Variants in UNC80 observed in about 807,000 individuals in gnomAD.
UNC80 encodes unc-80 subunit of NALCN channel complex, also known as protein unc-80 homolog.
In UNC80, 164 loss-of-function variants were observed where a neutral mutation model predicts 384.6. The observed-to-expected ratio is 0.43, with a 90% CI of 0.38 to 0.49. UNC80 has a LOEUF of 0.49. Ranked by LOEUF, UNC80 falls within the 20% of genes least tolerant of loss-of-function variation. The pLI is 0.00. For missense variants in UNC80, 3,330 were observed against 4,143.0 expected, an observed-to-expected ratio of 0.80 and a Z score of 5.39; for synonymous variants, 1,486 against 1,527.8, an observed-to-expected ratio of 0.97 and a Z score of 0.64.
At chr2:209,841,340 G>C (rs935724026) in intron 20 of UNC80, among the ~76,000 whole-genome samples, 3 of 151,874 alleles carry the variant, frequency 2.0e-5, no homozygotes, top group Non-Finnish European at 4.4e-5. Context: ...GTGGGTTTTT[G>C]TTGTTGTTGT....
At position 209,887,302 on chromosome 2, in the gene UNC80, G is replaced by A. The variant is rs1289782401; in HGVS notation, c.4111-793G>A. On this transcript the variant is annotated intron_variant, in intron 25 of 64. Coordinates refer to ENST00000673920, the MANE Select transcript of UNC80 (RefSeq NM_001371986.1). Reference sequence around the variant, plus strand: ...GTTCTGCCCGCCTCAGCCTCCCAAAGTGCTGGGATTACAGGTGTGAGCCAC... The same window carrying A: ...GTTCTGCCCGCCTCAGCCTCCCAAAATGCTGGGATTACAGGTGTGAGCCAC... Among the ~76,000 whole-genome samples, 4 of 152,208 alleles carry A rather than the reference G, an allele frequency of 2.6e-5. No homozygotes were observed. In the East Asian group the frequency reaches 7.7e-4, roughly 29 times the overall value.
At chr2:209,879,889 A>G (rs2085130016) in intron 24 of UNC80, among the ~76,000 whole-genome samples, 1 of 152,200 alleles carries the variant, frequency 6.6e-6, no homozygotes, top group Non-Finnish European at 1.5e-5. Flanking sequence ...TAGCTTAAAT[A>G]TCTACAGAAA....
At chr2:209,991,920 T>G (rs976923027) in intron 61 of UNC80, among the ~76,000 whole-genome samples, 1 of 152,200 alleles carries the variant, frequency 6.6e-6, no homozygotes, top group Admixed American at 6.5e-5. Flanking sequence ...CAATGTTTTC[T>G]GAATGATAGA....
Position 209,773,044 on chromosome 2 carries a change from A to T in UNC80, c.93-50A>T, listed in dbSNP as rs1559066658. 2.8e-6 allele frequency: 4 copies of T among 1,420,244 alleles called. No homozygotes were observed. The South Asian group carries it at 4.8e-5, about 17-fold the overall frequency. 88.0% of individuals were successfully genotyped at this position (1,420,244 alleles called of 1,614,324 possible). ...AAAAATACGTCACAAGGATGCTTTA[A>T]TAATAATTTTACTTATGTTTATTAA... On this transcript the variant is annotated intron_variant, in intron 1 of 64. Coordinates refer to ENST00000673920, the MANE Select transcript of UNC80 (RefSeq NM_001371986.1).
chr2:209,864,113 G>A (rs1341282217), intron 22 of UNC80, among the ~76,000 whole-genome samples: 1 of 151,734 alleles, frequency 6.6e-6, no homozygotes, highest in Admixed American at 6.6e-5. Flanking sequence ...CCTCTGTAGA[G>A]CTGCTGCAGT....
At chr2:209,897,566 A>G (rs993033591) in intron 28 of UNC80, among the ~76,000 whole-genome samples, 2 of 152,172 alleles carry the variant, frequency 1.3e-5, no homozygotes, top group Non-Finnish European at 2.9e-5. Context: ...TGACGATTTT[A>G]ATTAATTTAA....
At chr2:209,941,122 A>T (rs1200933359) in intron 43 of UNC80, 99 bp from the exon 44 acceptor site, 2 of 1,383,104 alleles carry the variant, frequency 1.4e-6, no homozygotes, top group African/African-American at 2.9e-5. Context: ...CTGGAGCTGG[A>T]ACAAACGGAG....
At chr2:209,805,760 A>G (rs1248561345) in intron 7 of UNC80, among the ~76,000 whole-genome samples, 3 of 152,264 alleles carry the variant, frequency 2.0e-5, no homozygotes, top group Non-Finnish European at 4.4e-5. Context: ...CTAATCTTTT[A>G]TAACCTAATC....
At chr2:209,789,804 G>A (rs2077679992) in intron 6 of UNC80, among the ~76,000 whole-genome samples, 199 bp downstream of exon 6, 1 of 151,648 alleles carries the variant, frequency 6.6e-6, no homozygotes, top group African/African-American at 2.4e-5. Flanking sequence ...AAAGCGTGCA[G>A]GTGTGGAAAT....
At chr2:209,847,886 A>G (rs1352682464) in intron 21 of UNC80, among the ~76,000 whole-genome samples, 1 of 152,038 alleles carries the variant, frequency 6.6e-6, no homozygotes, top group Non-Finnish European at 1.5e-5. Flanking sequence ...TCTTAATTAT[A>G]GCAACAAATA....
intron 21 of UNC80, 106 bp from the exon 22 acceptor site, chr2:209,849,345 C>A: frequency 7.7e-7 from 1 of 1,298,862 alleles, no homozygotes; most frequent in Non-Finnish European, 1.1e-6. Flanking sequence ...AGTTTTCTGG[C>A]CAACACTGTA....
At chr2:209,876,150 C>T (rs963543080) in intron 23 of UNC80, among the ~76,000 whole-genome samples, 3 of 152,232 alleles carry the variant, frequency 2.0e-5, no homozygotes, top group African/African-American at 7.2e-5. Context: ...ACTGTAAGCT[C>T]GTTGAGAGGA....
At chr2:209,951,309 C>G (rs1472683667) in intron 47 of UNC80, among the ~76,000 whole-genome samples, 1 of 150,322 alleles carries the variant, frequency 6.7e-6, no homozygotes, top group African/African-American at 2.5e-5. Context: ...CTCTCTCTCT[C>G]TCTTTTGAGA....
At chr2:209,914,681 G>GTATATA (rs1553596303) in intron 31 of UNC80, among the ~76,000 whole-genome samples, 1 of 149,554 alleles carries the variant, frequency 6.7e-6, no homozygotes, top group African/African-American at 2.5e-5. Context: ...GTGTGTGTGT[G>GTATATA]TATATAAATA....
In UNC80 at chr2:209,782,093, CACTTTCTA is replaced by C. The variant is rs2077181731; in HGVS notation, c.601-3969_601-3962del. 2.6e-5 allele frequency among the ~76,000 whole-genome samples: 4 copies of C among 152,172 alleles called. No homozygotes were observed. The South Asian group carries it at 8.3e-4, about 32-fold the overall frequency. On this transcript the variant is annotated intron_variant, in intron 4 of 64. Coordinates refer to ENST00000673920, the MANE Select transcript of UNC80 (RefSeq NM_001371986.1). ...TCTTACATGGACCCTTTACTTGAGC[CACTTTCTA>C]ACTAGATTCAGTCTCCTGGCTTGTC...
intron 7 of UNC80, among the ~76,000 whole-genome samples, chr2:209,808,081 A>G (rs967489155): frequency 1.3e-5 from 2 of 152,240 alleles, no homozygotes; most frequent in African/African-American, 4.8e-5. Flanking sequence ...GCAGCCCATC[A>G]TCTGCTGAAC....
Position 209,922,315 on chromosome 2 carries a change from C to G in UNC80, c.5594C>G (p.Thr1865Ser). The change falls in exon 35 of 65, where the codon ACT becomes AGT. Residue 1865 changes from threonine to serine, a missense_variant. Coordinates refer to ENST00000673920, the MANE Select transcript of UNC80 (RefSeq NM_001371986.1). ...GTGAGTCCATCCTGCACCTCCAGCA[C>G]TTCCCACAGGAATTATTCCTTCCGC... Reference protein sequence around the residue: ...LSVSPSCTSSTSHRNYSFRRG... With the variant: ...LSVSPSCTSSSSHRNYSFRRG... 1 of 1,552,158 alleles carries G rather than the reference C, an allele frequency of 6.4e-7. No individual in the cohort carries two copies. The highest frequency in any genetic ancestry group is 8.7e-7 in the Non-Finnish European group (1 of 1,147,078).
intron 51 of UNC80, among the ~76,000 whole-genome samples, chr2:209,960,755 C>G (rs1371521498): frequency 6.6e-6 from 1 of 152,174 alleles, no homozygotes; most frequent in Admixed American, 6.5e-5. Flanking sequence ...CTGGAGAACC[C>G]CAGAGCCTCA....
chr2:209,797,894 ATT>A (rs2078270222), intron 7 of UNC80, among the ~76,000 whole-genome samples: 1 of 152,054 alleles, frequency 6.6e-6, no homozygotes, highest in Non-Finnish European at 1.5e-5. Flanking sequence ...TTTTATTTGC[ATT>A]TCTTTGATGA....
Sources: gnomAD v4.1 joint callset for allele counts (sites outside exome capture counted in the v4.1 genomes callset) on GRCh38, gnomAD v4.1.1 for gene constraint, MANE v1.5 for transcripts, NCBI Gene and HGNC (gene_info 2026-07-23, HGNC 2026-07-21) for gene names.